PCDH15: variants seen among roughly 807,000 people sequenced by gnomAD.
The protein encoded by PCDH15 is protocadherin related 15, also known as protocadherin-15.
Under a neutral mutation model 178.5 loss-of-function variants are expected in PCDH15, and 129 were observed. The ratio of observed to expected loss-of-function variants is 0.72; its 90% confidence interval spans 0.63 to 0.84. The LOEUF (loss-of-function observed/expected upper bound fraction) is 0.84. Among genes scored for constraint, PCDH15 ranks in the 40% least tolerant of loss-of-function variants. PCDH15 has a pLI of 0.00. For synonymous variants in PCDH15, 800 were observed against 732.0 expected (o/e 1.09, Z -1.50); for missense variants, 2,230 against 2,099.9 (o/e 1.06, Z -1.21).
intron 21 of PCDH15, among the ~76,000 whole-genome samples, chr10:53,974,806 T>C (rs1045571314): frequency 6.6e-6 from 1 of 152,140 alleles, no homozygotes; most frequent in African/African-American, 2.4e-5. Flanking sequence ...TTTTAGGTTT[T>C]GGGGTACATG....
At position 55,333,681 on chromosome 10, in the gene PCDH15, C is replaced by T. The variant is rs139337456; in HGVS notation, c.-155-167030G>A. ...TACAATTATGTAGGTAAGCAGAAAACAAGATTTGTCATGATCTACTAATTA... is the reference window on the plus strand; with the variant it reads ...TACAATTATGTAGGTAAGCAGAAAATAAGATTTGTCATGATCTACTAATTA... On this transcript the variant is annotated intron_variant, in intron 2 of 5. Transcript: ENST00000613346. Among the ~76,000 whole-genome samples, 1,141 of 151,836 alleles carry T rather than the reference C, an allele frequency of 7.5e-3. 14 individuals carry two copies. The highest frequency in any genetic ancestry group is 0.017 in the Middle Eastern group (5 of 294).
chr10:54,582,131 CAGAGT>C (rs2133805189), intron 2 of PCDH15, among the ~76,000 whole-genome samples: 1 of 152,076 alleles, frequency 6.6e-6, no homozygotes, highest in East Asian at 1.9e-4. Flanking sequence ...AAAAGATCAA[CAGAGT>C]AAATAGATAA....
At chr10:53,867,896 G>A (rs751386180) in intron 26 of PCDH15, among the ~76,000 whole-genome samples, 6 of 151,886 alleles carry the variant, frequency 4.0e-5, no homozygotes, top group African/African-American at 9.7e-5. Flanking sequence ...CCTGTATCCC[G>A]ATTAAACATA....
intron 1 of PCDH15, among the ~76,000 whole-genome samples, chr10:54,776,536 T>G (rs1591573060): frequency 1.3e-5 from 2 of 152,274 alleles, no homozygotes; most frequent in South Asian, 2.1e-4. Flanking sequence ...TCTGCCTGTA[T>G]TTTATAAAAT....
At chr10:54,106,202 T>C (rs1476054208) in intron 15 of PCDH15, among the ~76,000 whole-genome samples, 1 of 152,194 alleles carries the variant, frequency 6.6e-6, no homozygotes, top group Non-Finnish European at 1.5e-5. Context: ...GTGGTGATGG[T>C]TGAACAACTA....
chr10:55,416,765 T>C (rs1336535577), intron 2 of PCDH15, among the ~76,000 whole-genome samples: 5 of 151,664 alleles, frequency 3.3e-5, no homozygotes, highest in Non-Finnish European at 7.4e-5. Context: ...CAATCAAAAG[T>C]TTACTTGAGT....
intron 15 of PCDH15, among the ~76,000 whole-genome samples, chr10:54,107,385 C>A (rs1180346534): frequency 1.3e-5 from 2 of 152,146 alleles, no homozygotes; most frequent in Non-Finnish European, 2.9e-5. Flanking sequence ...AGTATGATAA[C>A]CGTTTGCTCC....
intron 2 of PCDH15, among the ~76,000 whole-genome samples, chr10:55,581,477 T>G (rs991532393): frequency 9.8e-6 from 1 of 102,400 alleles, no homozygotes; most frequent in Non-Finnish European, 1.9e-5. Context: ...ATGAAGGAGG[T>G]CTATTTGCTC....
intron 2 of PCDH15, among the ~76,000 whole-genome samples, chr10:55,421,851 G>T (rs1370387446): frequency 6.6e-6 from 1 of 151,328 alleles, no homozygotes; most frequent in East Asian, 1.9e-4. Context: ...TTATTACTTG[G>T]GATTTATCTA....
intron 27 of PCDH15, among the ~76,000 whole-genome samples, chr10:53,858,004 C>T (rs1042453135): frequency 1.3e-5 from 2 of 151,594 alleles, no homozygotes; most frequent in Non-Finnish European, 2.9e-5. Context: ...AATATCATTT[C>T]GATTTTAAAA....
chr10:55,558,615 GTACT>G (rs1842136068), intron 2 of PCDH15, among the ~76,000 whole-genome samples: 1 of 151,936 alleles, frequency 6.6e-6, no homozygotes, highest in African/African-American at 2.4e-5. Flanking sequence ...CATTACAAAA[GTACT>G]TATTTATTAG....
chr10:54,953,885 T>G (rs1324498432), intron 2 of PCDH15, among the ~76,000 whole-genome samples: 1 of 151,308 alleles, frequency 6.6e-6, no homozygotes, highest in East Asian at 1.9e-4. Context: ...TTATCTAAGT[T>G]TCTTTCTAGC....
chr10:54,779,543 G>A (rs183703443), intron 1 of PCDH15, among the ~76,000 whole-genome samples: 3 of 35,458 alleles, frequency 8.5e-5, no homozygotes, highest in Admixed American at 6.8e-4. Flanking sequence ...CATATATATA[G>A]CATTTCTTCC....
chr10:55,041,290 C>G (rs1365543814), intron 2 of PCDH15, among the ~76,000 whole-genome samples: 2 of 152,020 alleles, frequency 1.3e-5, no homozygotes, highest in Admixed American at 6.6e-5. Flanking sequence ...AATTACTTAT[C>G]AAGAGCAGTG....
At chr10:53,874,225 A>G (rs2080066965) in intron 26 of PCDH15, among the ~76,000 whole-genome samples, 1 of 152,266 alleles carries the variant, frequency 6.6e-6, no homozygotes. Flanking sequence ...AAGCCTACTC[A>G]TGAAAGTGAG....
At chr10:55,015,561 T>C (rs1840153523) in intron 2 of PCDH15, among the ~76,000 whole-genome samples, 1 of 152,146 alleles carries the variant, frequency 6.6e-6, no homozygotes. Flanking sequence ...CAAGATTATG[T>C]TATATGGTCA....
chr10:55,600,640 T>C (rs903913372), intron 2 of PCDH15, among the ~76,000 whole-genome samples: 2 of 152,064 alleles, frequency 1.3e-5, no homozygotes, highest in African/African-American at 2.4e-5. Flanking sequence ...GTGATCTGAG[T>C]TCAGACCAGA....
At chr10:54,353,261 T>TA (rs201134885) in intron 5 of PCDH15, among the ~76,000 whole-genome samples, 2,768 of 151,888 alleles carry the variant, frequency 0.018, 87 homozygotes, top group African/African-American at 0.062. Flanking sequence ...CCAGAACTGA[T>TA]AAAAAAAATA....
intron 2 of PCDH15, among the ~76,000 whole-genome samples, chr10:54,944,789 G>C (rs1015629211): frequency 2.6e-5 from 4 of 151,820 alleles, no homozygotes; most frequent in Non-Finnish European, 5.9e-5. Flanking sequence ...AGAATACAAA[G>C]GATAGTTGGC....
Sources: allele counts gnomAD v4.1 joint callset (sites outside exome capture counted in the v4.1 genomes callset), GRCh38; gene constraint gnomAD v4.1.1; transcripts MANE v1.5; gene names NCBI Gene and HGNC (gene_info 2026-07-23, HGNC 2026-07-21).